MCF2L: variants seen among roughly 807,000 people sequenced by gnomAD.
The protein encoded by MCF2L is MCF.2 cell line derived transforming sequence like, also known as guanine nucleotide exchange factor DBS.
Under a neutral mutation model 153.4 loss-of-function variants are expected in MCF2L, and 97 were observed. The ratio of observed to expected loss-of-function variants is 0.63; its 90% CI spans 0.54 to 0.75. The LOEUF is 0.75. MCF2L is among the 30% of genes least tolerant of loss of function. The probability of loss-of-function intolerance (pLI) is 0.00; values close to 1 mark genes in which losing one functional copy is unlikely to be tolerated. For missense variants in MCF2L, 1,347 were observed against 1,495.2 expected (o/e 0.90, Z 1.64); for synonymous variants, 659 against 632.2 (o/e 1.04, Z -0.64).
At chr13:112,968,626 C>G (rs759612188), upstream of MCF2L, 5 of 1,527,906 alleles carry the variant, frequency 3.3e-6, no homozygotes, top group South Asian at 6.0e-5. Context: ...TACCTGGGCG[C>G]GGCGCGGGTG....
chr13:113,065,521 G>A (rs533700357), intron 7 of MCF2L, among the ~76,000 whole-genome samples: 3 of 152,360 alleles, frequency 2.0e-5, no homozygotes, highest in Non-Finnish European at 2.9e-5. Context: ...ATGAAGTGGC[G>A]GTTGGAATTC....
At chr13:112,934,849 C>T (rs1022881482) in intron 2 of MCF2L, among the ~76,000 whole-genome samples, 3 of 152,182 alleles carry the variant, frequency 2.0e-5, no homozygotes, top group Admixed American at 6.5e-5. Flanking sequence ...CCCTGGGCGC[C>T]CCCGCCACTC....
intron 1 of MCF2L, chr13:113,001,997 G>A (rs775169697): frequency 1.5e-5 from 23 of 1,562,716 alleles, no homozygotes; most frequent in Admixed American, 8.9e-5. Context: ...CGTGGGGCGC[G>A]GGCGGGTCCT....
Position 113,084,022 on chromosome 13 carries a change from C to T in MCF2L, c.2016C>T (p.Asn672=), listed in dbSNP as rs2034401396. ...HNRIFLRELE[N]YTDCPELVGR... is the part of the protein sequence containing the mutation. ...GGATATTCCTCAGGGAGCTGGAAAACTACACTGACTGCCCAGAACTGGTTG... is the reference window on the plus strand; with the variant it reads ...GGATATTCCTCAGGGAGCTGGAAAATTACACTGACTGCCCAGAACTGGTTG... The change falls in exon 18 of 30, where the codon AAC becomes AAT. Residue 672 remains asparagine (N), a synonymous_variant. Coordinates refer to ENST00000535094, the MANE Select transcript of MCF2L (RefSeq NM_001112732.3). 1 of 1,614,002 alleles carries T rather than the reference C, an allele frequency of 6.2e-7. No homozygotes were observed.
chr13:113,015,818 G>T (rs1486017170), intron 2 of MCF2L, among the ~76,000 whole-genome samples: 1 of 152,220 alleles, frequency 6.6e-6, no homozygotes, highest in African/African-American at 2.4e-5. Flanking sequence ...AGAGAAAGCA[G>T]GGGGTCTCTG....
chr13:112,957,739 C>T (rs1444376047), intron 2 of MCF2L: 1 of 152,176 alleles, frequency 6.6e-6, no homozygotes, highest in Non-Finnish European at 1.5e-5. Context: ...TACCTCTAAC[C>T]TATGACCCTT....
At chr13:112,975,662 G>A (rs1252469782) in intron 1 of MCF2L, among the ~76,000 whole-genome samples, 9 of 152,214 alleles carry the variant, frequency 5.9e-5, no homozygotes, top group South Asian at 2.1e-4. Flanking sequence ...TCAGGGAGCC[G>A]CTGCCGTGGT....
intron 8 of MCF2L, 151 bp downstream of exon 8, chr13:113,066,321 G>C (rs1187894085): frequency 1.1e-6 from 1 of 946,262 alleles, no homozygotes. Context: ...CACAGCAGCC[G>C]GCCTCCGAGC....
At chr13:112,962,303 T>A (rs994712709) in intron 2 of MCF2L, among the ~76,000 whole-genome samples, 5 of 151,604 alleles carry the variant, frequency 3.3e-5, no homozygotes, top group Non-Finnish European at 5.9e-5. Flanking sequence ...GTACACACAC[T>A]CAGGCACATG....
chr13:113,090,813 C>T (rs1044369300), intron 26 of MCF2L: 13 of 985,440 alleles, frequency 1.3e-5, no homozygotes, highest in Non-Finnish European at 1.4e-5. Flanking sequence ...AACAAACAAA[C>T]AAACAACAGA....
At chr13:112,952,379 GTTTTC>G (rs989906670) in intron 2 of MCF2L, among the ~76,000 whole-genome samples, 1 of 152,146 alleles carries the variant, frequency 6.6e-6, no homozygotes, top group African/African-American at 2.4e-5. Flanking sequence ...TGGCAGGTTT[GTTTTC>G]TGGGGATCCC....
In MCF2L at chr13:113,077,139, A is replaced by T; in HGVS notation, c.1588A>T (p.Arg530Trp). Residue 530 changes from arginine (R) to tryptophan (W), a missense_variant, in exon 13 of 30, where the codon AGG becomes TGG. Arg to Trp is a moderately radical substitution (Grantham distance 101, BLOSUM62 -3). This residue lies in a region of MCF2L where 820 missense variants were observed against 921.2 expected (regional missense o/e 0.89). Coordinates refer to ENST00000535094, the MANE Select transcript of MCF2L (RefSeq NM_001112732.3). Reference protein sequence around the residue: ...RQASLKKLAARQTRPVQPVAP... With the variant: ...RQASLKKLAAWQTRPVQPVAP... ...GGCCAGCCTGAAGAAGCTGGCGGCC[A>T]GGCAGACGCGGCCCGTGCAGCCGGT... is the stretch of plus-strand genomic sequence containing the variant. The T allele has an allele frequency of 6.2e-7, 1 of 1,612,456 alleles. No individual in the cohort carries two copies. Among genetic ancestry groups the T allele is most frequent in the African/African-American group, 1.3e-5 (1 of 75,058 alleles).
intron 2 of MCF2L, among the ~76,000 whole-genome samples, chr13:112,920,847 ACT>A (rs1317744177): frequency 6.6e-6 from 1 of 151,954 alleles, no homozygotes; most frequent in Non-Finnish European, 1.5e-5. Flanking sequence ...GCAGCCACTC[ACT>A]CTGCACAAGA....
At position 113,027,023 on chromosome 13, in the gene MCF2L, G is replaced by A. The variant is rs370424975; in HGVS notation, c.278+2265G>A. ...GACAGTGTAGTTGCTGCTTCCATTT[G>A]GGGTATAGTGAACACACACCAAGTA... On this transcript the variant is annotated intron_variant, in intron 3 of 29. Coordinates refer to ENST00000535094, the MANE Select transcript of MCF2L (RefSeq NM_001112732.3). The surrounding 1 kb of genome is among the most constrained non-coding windows in gnomAD (Gnocchi z 4.8). The A allele has an allele frequency of 1.7e-5, 13 of 778,314 alleles. No homozygotes were observed. Among genetic ancestry groups the A allele is most frequent in the African/African-American group, 1.5e-4 (9 of 59,216 alleles). The allele number at this position is 778,314 out of a possible 1,614,324, so 48.2% of individuals were successfully genotyped here.
intron 16 of MCF2L, 51 bp from the exon 17 acceptor site, chr13:113,082,376 C>T (rs752038278): frequency 9.1e-7 from 1 of 1,099,196 alleles, no homozygotes; most frequent in Admixed American, 1.7e-5. Flanking sequence ...CACCTGCCCC[C>T]CCACAGCATC....
rs1194426134 is a variant in MCF2L, at chr13:113,046,508, G to A, written c.369+1147G>A. The A allele has an allele frequency of 3.8e-6, 2 of 529,024 alleles. No individual in the cohort carries two copies. Among genetic ancestry groups the A allele is most frequent in the African/African-American group, 1.9e-5 (1 of 51,538 alleles). The allele number at this position is 529,024 out of a possible 1,614,324, so 32.8% of individuals were successfully genotyped here. The stretch of plus-strand genomic sequence containing the variant: ...CCTTTGGGTTCCCCAGCCTCTCGGT[G>A]GCTGCTGGCTGGTGCGCCAAGGTTT... On this transcript the variant is annotated intron_variant, in intron 4 of 29. Coordinates refer to ENST00000535094, the MANE Select transcript of MCF2L (RefSeq NM_001112732.3). The surrounding 1 kb of genome is among the most constrained non-coding windows in gnomAD (Gnocchi z 4.4).
chr13:113,026,577 G>T (rs529460983), intron 3 of MCF2L, among the ~76,000 whole-genome samples: 2 of 152,328 alleles, frequency 1.3e-5, no homozygotes, highest in African/African-American at 4.8e-5. Flanking sequence ...TGTTCGATCA[G>T]CAGAGTTCTG....
intron 2 of MCF2L, among the ~76,000 whole-genome samples, chr13:112,952,638 G>A (rs892840846): frequency 8.5e-5 from 13 of 152,268 alleles, no homozygotes; most frequent in African/African-American, 2.9e-4. Flanking sequence ...TCTGAAAGTT[G>A]AAAATAAGCA....
upstream of MCF2L, chr13:112,967,794 G>A (rs1006872577): frequency 7.2e-5 from 11 of 152,708 alleles, no homozygotes; most frequent in African/African-American, 2.8e-4. Context: ...CGCACGCTCT[G>A]TTGGACGCTG....
Sources: gnomAD v4.1 joint callset for allele counts (sites outside exome capture counted in the v4.1 genomes callset) on GRCh38, gnomAD v4.1.1 for gene constraint, gnomAD v4.1.1 regional missense constraint, Gnocchi (gnomAD v3.1) non-coding constraint, MANE v1.5 for transcripts, NCBI Gene and HGNC (gene_info 2026-07-23, HGNC 2026-07-21) for gene names.